The following GYG2 variants were observed in gnomAD, a reference collection of about 807,000 sequenced individuals.
The protein encoded by GYG2 is glycogenin-2.
In GYG2, 29 loss-of-function variants were observed where a neutral mutation model predicts 29.4. The observed-to-expected ratio is 0.99, with a 90% CI of 0.74 to 1.35. The LOEUF is 1.35. Ranked by LOEUF, GYG2 falls within the 40% of genes most tolerant of loss-of-function variation. The pLI is 0.00. For synonymous variants in GYG2, 167 were observed against 172.3 expected, an observed-to-expected ratio of 0.97 and a Z score of 0.24; for missense variants, 370 against 385.7, an observed-to-expected ratio of 0.96 and a Z score of 0.34.
intron 8 of GYG2, among the ~76,000 whole-genome samples, chrX:2,873,967 A>G (rs1603460352): frequency 9.0e-6 from 1 of 110,955 alleles, no homozygotes; most frequent in South Asian, 3.9e-4. Context: ...TTGGTGATGC[A>G]TGCCTGTAAT....
intron 10 of GYG2, among the ~76,000 whole-genome samples, chrX:2,878,778 CTTTA>C (rs2088655548): frequency 8.9e-6 from 1 of 112,316 alleles, no homozygotes; most frequent in East Asian, 2.8e-4. Context: ...TCTAGGGGAA[CTTTA>C]TTTAGTATCT....
At chrX:2,835,890 G>A (rs913791875) in intron 2 of GYG2, among the ~76,000 whole-genome samples, 68 of 111,404 alleles carry the variant, frequency 6.1e-4, no homozygotes, top group Non-Finnish European at 8.5e-4. Flanking sequence ...AGGTAAGATG[G>A]CACAAGAGAT....
chrX:2,854,461 G>A (rs2087934604), intron 4 of GYG2, among the ~76,000 whole-genome samples: 1 of 112,095 alleles, frequency 8.9e-6, no homozygotes, highest in Non-Finnish European at 1.9e-5. Flanking sequence ...AGATTCCTGT[G>A]AGGCCATGTG....
chrX:2,878,195 G>A, intron 10 of GYG2: 1 of 746,281 alleles, frequency 1.3e-6, no homozygotes, highest in Non-Finnish European at 1.6e-6. Context: ...GGGCATCAGT[G>A]TGAGGTTGGG....
intron 6 of GYG2, among the ~76,000 whole-genome samples, chrX:2,857,389 G>T (rs1370954477): frequency 1.0e-4 from 7 of 69,680 alleles, no homozygotes; most frequent in African/African-American, 3.6e-4. Context: ...TCTAGATTTA[G>T]ATCTTCATCC....
At chrX:2,838,976 C>T (rs1461930274) in intron 2 of GYG2, among the ~76,000 whole-genome samples, 1 of 111,702 alleles carries the variant, frequency 9.0e-6, no homozygotes, top group African/African-American at 3.3e-5. Context: ...TCTTCCCATT[C>T]CACCCCATAA....
At chrX:2,847,379 A>T (rs2087757832) in intron 3 of GYG2, among the ~76,000 whole-genome samples, 1 of 110,500 alleles carries the variant, frequency 9.0e-6, no homozygotes, top group Admixed American at 9.9e-5. Flanking sequence ...TTAAAATAAA[A>T]ACTAAACATA....
intron 8 of GYG2, among the ~76,000 whole-genome samples, chrX:2,872,899 T>G: frequency 1.8e-5 from 2 of 112,153 alleles, no homozygotes; most frequent in Non-Finnish European, 3.8e-5. Context: ...CTACCAGCCC[T>G]GGTTGAAGAA....
chrX:2,834,281 C>T (rs1465012326), intron 2 of GYG2, among the ~76,000 whole-genome samples: 3 of 111,769 alleles, frequency 2.7e-5, no homozygotes, highest in Admixed American at 9.5e-5. Context: ...TTTAATTACT[C>T]GTTGAAGCCC....
At chrX:2,856,737 C>CTATGTATCTATCT (rs755581334) in intron 6 of GYG2, 113 bp downstream of exon 6, 1 of 415,806 alleles carries the variant, frequency 2.4e-6, no homozygotes, top group African/African-American at 3.1e-5. Context: ...ATCTATCTAT[C>CTATGTATCTATCT]ATCTATCTAT....
intron 10 of GYG2, among the ~76,000 whole-genome samples, chrX:2,878,618 C>G (rs977322528): frequency 8.1e-5 from 9 of 110,806 alleles, no homozygotes; most frequent in Non-Finnish European, 1.5e-4. Context: ...ACTGGGTTGC[C>G]CACCTCACAG....
chrX:2,837,711 T>C (rs1255999402), intron 2 of GYG2, among the ~76,000 whole-genome samples: 1 of 111,402 alleles, frequency 9.0e-6, no homozygotes, highest in Non-Finnish European at 1.9e-5. Flanking sequence ...ATACTGCCAA[T>C]GAAAGGCTAA....
chrX:2,854,321 A>T (rs1156806493), intron 4 of GYG2, among the ~76,000 whole-genome samples, 167 bp downstream of exon 4: 1 of 111,546 alleles, frequency 9.0e-6, no homozygotes, highest in African/African-American at 3.3e-5. Context: ...TCCTGAGTTC[A>T]AGTGATTCTC....
chrX:2,868,735 C>G (rs990365589), intron 8 of GYG2, among the ~76,000 whole-genome samples: 1 of 110,654 alleles, frequency 9.0e-6, no homozygotes, highest in African/African-American at 3.3e-5. Flanking sequence ...GGCTTAAAAG[C>G]TAGGTGACGG....
chrX:2,829,806 G>A (rs2087220728), intron 1 of GYG2, among the ~76,000 whole-genome samples: 1 of 110,015 alleles, frequency 9.1e-6, no homozygotes, highest in East Asian at 2.9e-4. Context: ...GTCGTTGCTG[G>A]GCGCATGGGT....
chrX:2,836,078 A>C (rs1414795957), intron 2 of GYG2, among the ~76,000 whole-genome samples: 1 of 111,148 alleles, frequency 9.0e-6, no homozygotes, highest in Non-Finnish European at 1.9e-5. Context: ...GTAGTAGCAC[A>C]CATCATAGGA....
At chrX:2,843,012 C>T (rs2087539190) in intron 2 of GYG2, 1 of 484,457 alleles carries the variant, frequency 2.1e-6, no homozygotes, top group Admixed American at 2.8e-5. Flanking sequence ...AGAGTTTCAC[C>T]ATGGTGCCCA....
chrX:2,857,715 T>C (rs2088054001), intron 6 of GYG2, among the ~76,000 whole-genome samples: 1 of 110,997 alleles, frequency 9.0e-6, no homozygotes, highest in African/African-American at 3.3e-5. Context: ...CACATCTCGT[T>C]TCCTGCTTGC....
At chrX:2,855,742 G>T (rs1464032200) in intron 5 of GYG2, among the ~76,000 whole-genome samples, 1 of 111,053 alleles carries the variant, frequency 9.0e-6, no homozygotes. Context: ...CCTAGGCAAC[G>T]TGGCAAGACC....
Sources: allele counts gnomAD v4.1 joint callset (sites outside exome capture counted in the v4.1 genomes callset), GRCh38; gene constraint gnomAD v4.1.1; transcripts MANE v1.5; gene names NCBI Gene and HGNC (gene_info 2026-07-23, HGNC 2026-07-21).